The following SLC36A1 variants were observed in gnomAD, a reference collection of about 807,000 sequenced individuals.
SLC36A1 encodes solute carrier family 36 member 1, also known as proton-coupled amino acid transporter 1.
In SLC36A1, 30 loss-of-function variants were observed where a neutral mutation model predicts 47.5. The ratio of observed to expected loss-of-function variants is 0.63; its 90% confidence interval spans 0.47 to 0.86. The LOEUF (loss-of-function observed/expected upper bound fraction) is 0.86, where lower values mean the gene tolerates loss of function less well. Ranked by LOEUF, SLC36A1 falls within the 40% of genes least tolerant of loss-of-function variation. The probability of loss-of-function intolerance (pLI) is 0.00; values close to 1 mark genes in which losing one functional copy is unlikely to be tolerated. For missense variants in SLC36A1, 517 were observed against 606.0 expected (o/e 0.85, Z 1.54); for synonymous variants, 255 against 249.7 (o/e 1.02, Z -0.20).
the SLC36A1 span, among the ~76,000 whole-genome samples, chr5:151,549,868 T>A: frequency 2.0e-5 from 3 of 152,186 alleles, no homozygotes; most frequent in Non-Finnish European, 4.4e-5. Flanking sequence ...GAGCACTGAA[T>A]TAAATGCAGT....
At chr5:151,355,055 T>C in the SLC36A1 span, among the ~76,000 whole-genome samples, 1 of 152,072 alleles carries the variant, frequency 6.6e-6, no homozygotes, top group Non-Finnish European at 1.5e-5. Flanking sequence ...ATGACAACAA[T>C]GAACTGTAAC....
the SLC36A1 span, among the ~76,000 whole-genome samples, chr5:151,358,471 C>T: frequency 6.9e-3 from 1,052 of 152,238 alleles, 4 homozygotes; most frequent in Non-Finnish European, 9.9e-3. Flanking sequence ...CTATGTTACT[C>T]AGGCTGGTCT....
chr5:151,507,131 T>C, the SLC36A1 span: 1 of 1,525,988 alleles, frequency 6.6e-7, no homozygotes, highest in African/African-American at 1.4e-5. Context: ...TCCCAGAGGC[T>C]AAGCGTCTCT....
At chr5:151,355,505 G>A in the SLC36A1 span, among the ~76,000 whole-genome samples, 1 of 152,126 alleles carries the variant, frequency 6.6e-6, no homozygotes. Flanking sequence ...TTCTAGAAAT[G>A]CTCACACACG....
At chr5:151,537,881 G>T in the SLC36A1 span, 53 of 1,614,128 alleles carry the variant, frequency 3.3e-5, no homozygotes, top group Non-Finnish European at 4.3e-5. Context: ...CCAAGTCTGT[G>T]GCAGAAACCT....
downstream of SLC36A1, among the ~76,000 whole-genome samples, chr5:151,494,964 T>G (rs189095173): frequency 4.6e-5 from 7 of 152,350 alleles, no homozygotes; most frequent in East Asian, 1.3e-3. Flanking sequence ...TAAATACTCA[T>G]GTACAGGTCT....
At chr5:151,371,041 G>C in the SLC36A1 span, among the ~76,000 whole-genome samples, 27,759 of 151,830 alleles carry the variant, frequency 0.18, 2,808 homozygotes, top group East Asian at 0.41. Context: ...ATCATTCTGT[G>C]CATTGTAGAA....
chr5:151,412,234 T>C, the SLC36A1 span, among the ~76,000 whole-genome samples: 1 of 144,790 alleles, frequency 6.9e-6, no homozygotes, highest in Admixed American at 6.8e-5. Context: ...ATATGTTATA[T>C]TGCATTTGGG....
the SLC36A1 span, among the ~76,000 whole-genome samples, chr5:151,395,893 T>G: frequency 6.6e-6 from 1 of 152,130 alleles, no homozygotes; most frequent in Non-Finnish European, 1.5e-5. Context: ...CACTGCAACC[T>G]CCACCTCCCG....
At chr5:151,508,441 G>A in the SLC36A1 span, among the ~76,000 whole-genome samples, 3 of 152,212 alleles carry the variant, frequency 2.0e-5, no homozygotes, top group Non-Finnish European at 4.4e-5. Flanking sequence ...TGGGCGCAGT[G>A]GCTCATGCCT....
the SLC36A1 span, among the ~76,000 whole-genome samples, chr5:151,346,614 C>T: frequency 6.6e-6 from 1 of 152,278 alleles, no homozygotes; most frequent in Admixed American, 6.5e-5. Context: ...CTACCACACC[C>T]CACACCTTTT....
chr5:151,415,072 C>T, the SLC36A1 span, among the ~76,000 whole-genome samples: 1 of 152,136 alleles, frequency 6.6e-6, no homozygotes, highest in Non-Finnish European at 1.5e-5. Flanking sequence ...CACCCAACCT[C>T]ATCTTCTTGG....
At chr5:151,543,939 G>A in the SLC36A1 span, 1 of 1,614,172 alleles carries the variant, frequency 6.2e-7, no homozygotes. Flanking sequence ...TAAGAACCAG[G>A]TGTCCACAGG....
At chr5:151,368,080 T>C in the SLC36A1 span, among the ~76,000 whole-genome samples, 6 of 152,224 alleles carry the variant, frequency 3.9e-5, no homozygotes, top group Admixed American at 3.3e-4. Context: ...GAGCTGTTTA[T>C]ATTGAGCCTG....
chr5:151,539,267 T>C, the SLC36A1 span, among the ~76,000 whole-genome samples: 2 of 152,212 alleles, frequency 1.3e-5, no homozygotes, highest in Admixed American at 1.3e-4. Flanking sequence ...TTTATGTGAC[T>C]GGCATGTAGA....
intron 1 of SLC36A1, among the ~76,000 whole-genome samples, chr5:151,458,312 G>GTA (rs35929969): frequency 0.07 from 7,786 of 111,080 alleles, 268 homozygotes; most frequent in Non-Finnish European, 0.08. Flanking sequence ...GTGTATATAC[G>GTA]TATATATATA....
chr5:151,413,386 AC>A, the SLC36A1 span, among the ~76,000 whole-genome samples: 1 of 152,178 alleles, frequency 6.6e-6, no homozygotes, highest in Non-Finnish European at 1.5e-5. Flanking sequence ...AATGGAAATA[AC>A]CAAAATGTCT....
chr5:151,547,331 G>T, the SLC36A1 span, among the ~76,000 whole-genome samples: 1 of 152,170 alleles, frequency 6.6e-6, no homozygotes, highest in African/African-American at 2.4e-5. Context: ...CAGAGGCTTT[G>T]TTCTTCATTC....
chr5:151,510,119 C>T, the SLC36A1 span: 1 of 1,614,170 alleles, frequency 6.2e-7, no homozygotes, highest in Non-Finnish European at 8.5e-7. Flanking sequence ...TACAGTTCTC[C>T]CTTCCTTGTT....
Sources: allele counts gnomAD v4.1 joint callset (sites outside exome capture counted in the v4.1 genomes callset), GRCh38; gene constraint gnomAD v4.1.1; transcripts MANE v1.5; gene names NCBI Gene and HGNC (gene_info 2026-07-23, HGNC 2026-07-21).